The following PTPRG variants were observed in gnomAD, a reference collection of about 807,000 sequenced individuals.
PTPRG encodes the protein receptor-type tyrosine-protein phosphatase gamma.
In PTPRG, 102 loss-of-function variants were observed where a neutral mutation model predicts 165.3. That is an observed-to-expected ratio of 0.62 (90% CI 0.53 to 0.73). The LOEUF is 0.73. PTPRG is among the 30% of genes least tolerant of loss of function. The probability of loss-of-function intolerance (pLI) is 0.00; values close to 1 mark genes in which losing one functional copy is unlikely to be tolerated. For missense variants in PTPRG, 1,866 were observed against 1,861.4 expected (o/e 1.00, Z -0.05); for synonymous variants, 675 against 669.5 (o/e 1.01, Z -0.13).
At chr3:61,699,089 G>A (rs1233042521) in intron 1 of PTPRG, among the ~76,000 whole-genome samples, 4 of 152,064 alleles carry the variant, frequency 2.6e-5, no homozygotes, top group Non-Finnish European at 5.9e-5. Flanking sequence ...GTTAATGGGT[G>A]CAGCACAGCA....
intron 2 of PTPRG, among the ~76,000 whole-genome samples, chr3:61,955,410 T>A (rs1393155914): frequency 6.6e-6 from 1 of 152,250 alleles, no homozygotes; most frequent in Non-Finnish European, 1.5e-5. Flanking sequence ...TTTTTAATTT[T>A]AAAATAATAT....
At chr3:62,180,473 G>T (rs1254513792) in intron 8 of PTPRG, among the ~76,000 whole-genome samples, 2 of 152,224 alleles carry the variant, frequency 1.3e-5, no homozygotes, top group Non-Finnish European at 2.9e-5. Context: ...ACTAGGGCAA[G>T]ACATGGGGAG....
At chr3:62,158,394 C>T (rs1221061525) in intron 7 of PTPRG, among the ~76,000 whole-genome samples, 1 of 152,156 alleles carries the variant, frequency 6.6e-6, no homozygotes, top group Non-Finnish European at 1.5e-5. Flanking sequence ...CAAGACTGTC[C>T]AAAACTGGAA....
Position 62,157,121 on chromosome 3 carries a change from T to C in PTPRG, c.737T>C (p.Leu246Pro). 6.2e-7 allele frequency: 1 copy of C among 1,612,436 alleles called. No homozygotes were observed. The highest frequency in any genetic ancestry group is 8.5e-7 in the Non-Finnish European group (1 of 1,178,504). The part of the protein sequence containing the change: ...FVLRDLLPAS[L>P]GSYYRYTGSL... The stretch of plus-strand genomic sequence containing the variant: ...CTCCGGGACCTCCTGCCTGCATCCC[T>C]GGGCAGCTATTATCGGTACACAGGT... Residue 246 changes from leucine to proline, a missense_variant, in exon 7 of 30, where the codon CTG becomes CCG. By Grantham distance (98) the Leu-to-Pro change is moderately conservative. Around this residue, in one of 3 missense-constraint regions of PTPRG, gnomAD observed 408 missense variants for 376.2 expected, o/e 1.08. Coordinates refer to ENST00000474889, the MANE Select transcript of PTPRG (RefSeq NM_002841.4).
At chr3:61,661,169 C>CT (rs1702652057) in intron 1 of PTPRG, among the ~76,000 whole-genome samples, 1 of 151,978 alleles carries the variant, frequency 6.6e-6, no homozygotes, top group Non-Finnish European at 1.5e-5. Flanking sequence ...AACTCCTGGG[C>CT]TCAAGCAATC....
At chr3:61,563,071 G>A (rs1470793344) in intron 1 of PTPRG, among the ~76,000 whole-genome samples, 1 of 152,068 alleles carries the variant, frequency 6.6e-6, no homozygotes, top group South Asian at 2.1e-4. Flanking sequence ...CCTAGCCCCG[G>A]CCCGTGGCCC....
intron 2 of PTPRG, among the ~76,000 whole-genome samples, chr3:61,842,684 C>CAAAAAAAAAAAA (rs199500194): frequency 4.9e-5 from 6 of 121,604 alleles, no homozygotes; most frequent in Non-Finnish European, 6.8e-5. Context: ...GTATGTGTGG[C>CAAAAAAAAAAAA]AAAAAAAAAA....
intron 14 of PTPRG, among the ~76,000 whole-genome samples, chr3:62,242,427 G>A (rs1382047798): frequency 6.6e-6 from 1 of 152,184 alleles, no homozygotes; most frequent in African/African-American, 2.4e-5. Flanking sequence ...CTAATGGTAT[G>A]GAGCAGCAGT....
At chr3:61,840,757 C>T (rs1381410683) in intron 2 of PTPRG, among the ~76,000 whole-genome samples, 1 of 145,046 alleles carries the variant, frequency 6.9e-6, no homozygotes, top group South Asian at 2.2e-4. Flanking sequence ...CAGAAAATTT[C>T]AGATGGAGTT....
intron 6 of PTPRG, among the ~76,000 whole-genome samples, chr3:62,154,285 G>A (rs886317060): frequency 6.6e-6 from 1 of 152,184 alleles, no homozygotes; most frequent in African/African-American, 2.4e-5. Flanking sequence ...GGCAGTGATA[G>A]TGGTGGAATG....
intron 5 of PTPRG, among the ~76,000 whole-genome samples, chr3:62,109,383 T>C (rs9810781): frequency 0.13 from 19,573 of 152,158 alleles, 1,371 homozygotes; most frequent in African/African-American, 0.17. Context: ...CTGAGGCCTC[T>C]GTTCTGTTTT....
chr3:62,177,898 A>G (rs905201913), intron 8 of PTPRG, among the ~76,000 whole-genome samples: 1 of 152,088 alleles, frequency 6.6e-6, no homozygotes, highest in Admixed American at 6.6e-5. Flanking sequence ...GCGATATGTG[A>G]TTTTTCCCCC....
At chr3:62,200,143 T>C (rs1700063655) in intron 10 of PTPRG, among the ~76,000 whole-genome samples, 1 of 152,214 alleles carries the variant, frequency 6.6e-6, no homozygotes, top group Admixed American at 6.5e-5. Flanking sequence ...TTTTGCAAGA[T>C]GACAAAGTTC....
chr3:62,048,933 C>A (rs1298179784), intron 4 of PTPRG, among the ~76,000 whole-genome samples: 1 of 152,106 alleles, frequency 6.6e-6, no homozygotes, highest in Non-Finnish European at 1.5e-5. Flanking sequence ...TTGAGATAAG[C>A]TTGAACAAGT....
At chr3:62,236,583 C>T (rs1701038786) in intron 14 of PTPRG, among the ~76,000 whole-genome samples, 1 of 152,194 alleles carries the variant, frequency 6.6e-6, no homozygotes, top group Non-Finnish European at 1.5e-5. Context: ...TCAGCAGCAG[C>T]TCAGCTAACT....
At chr3:61,888,362 C>T (rs2038112658) in intron 2 of PTPRG, among the ~76,000 whole-genome samples, 1 of 147,694 alleles carries the variant, frequency 6.8e-6, no homozygotes, top group Non-Finnish European at 1.5e-5. Context: ...GAGAGGGGCT[C>T]TTCCTCTGTC....
chr3:62,031,496 G>A (rs570565581), intron 4 of PTPRG, among the ~76,000 whole-genome samples: 14 of 152,276 alleles, frequency 9.2e-5, no homozygotes, highest in African/African-American at 3.1e-4. Flanking sequence ...GGATATGACA[G>A]TAATGAGTTT....
At chr3:61,565,497 A>G (rs886572874) in intron 1 of PTPRG, among the ~76,000 whole-genome samples, 3 of 152,058 alleles carry the variant, frequency 2.0e-5, no homozygotes, top group Non-Finnish European at 4.4e-5. Context: ...AGTTCATTCA[A>G]ACTCTGATAC....
At chr3:62,269,468 G>C (rs1701991207) in intron 20 of PTPRG, among the ~76,000 whole-genome samples, 2 of 152,050 alleles carry the variant, frequency 1.3e-5, no homozygotes, top group Non-Finnish European at 2.9e-5. Flanking sequence ...GCATCTGTTT[G>C]ATTTAGCTTT....
Sources: allele counts gnomAD v4.1 joint callset (sites outside exome capture counted in the v4.1 genomes callset), GRCh38; gene constraint gnomAD v4.1.1; regional missense constraint gnomAD v4.1.1; transcripts MANE v1.5; gene names NCBI Gene and HGNC (gene_info 2026-07-23, HGNC 2026-07-21).